The following FMN2 variants were observed in gnomAD, a reference collection of about 807,000 sequenced individuals.
FMN2 encodes formin 2, also known as formin-2.
In FMN2, 51 loss-of-function variants were observed where a neutral mutation model predicts 142.3. The observed-to-expected ratio is 0.36, with a 90% CI of 0.29 to 0.45. The LOEUF is 0.45. Among genes scored for constraint, FMN2 ranks in the 20% least tolerant of loss-of-function variants. The probability of loss-of-function intolerance (pLI) is 1.00; values close to 1 mark genes in which losing one functional copy is unlikely to be tolerated. For synonymous variants in FMN2, 882 were observed against 869.8 expected (o/e 1.01, Z -0.25); for missense variants, 1,936 against 2,122.8 (o/e 0.91, Z 1.73).
intron 7 of FMN2, among the ~76,000 whole-genome samples, chr1:240,292,165 A>G (rs760572966): frequency 1.3e-5 from 2 of 152,152 alleles, no homozygotes; most frequent in Non-Finnish European, 2.9e-5. Context: ...AGGAACTGTC[A>G]CCTTGATATA....
chr1:240,455,653 A>G (rs1362710007), intron 16 of FMN2, among the ~76,000 whole-genome samples: 1 of 152,070 alleles, frequency 6.6e-6, no homozygotes, highest in African/African-American at 2.4e-5. Context: ...ACTCTGGCCT[A>G]GGCAACAGAG....
At chr1:240,144,022 G>T in intron 2 of FMN2, 1 of 1,150,054 alleles carries the variant, frequency 8.7e-7, no homozygotes, top group Non-Finnish European at 1.3e-6. Flanking sequence ...AGACCCCAGA[G>T]TTCACTATGC....
At chr1:240,173,926 G>T (rs1327040956) in intron 2 of FMN2, among the ~76,000 whole-genome samples, 1 of 152,108 alleles carries the variant, frequency 6.6e-6, no homozygotes, top group African/African-American at 2.4e-5. Flanking sequence ...TTGGTTGTTG[G>T]TGCTACCTCT....
At chr1:240,159,921 A>T (rs1030364614) in intron 2 of FMN2, among the ~76,000 whole-genome samples, 11,601 of 137,148 alleles carry the variant, frequency 0.085, 649 homozygotes, top group South Asian at 0.15. Flanking sequence ...ATATATATAT[A>T]TATATATATA....
intron 6 of FMN2, among the ~76,000 whole-genome samples, chr1:240,211,572 AGAAAG>A (rs773480509): frequency 6.6e-6 from 1 of 152,234 alleles, no homozygotes; most frequent in Non-Finnish European, 1.5e-5. Context: ...ATGGATGGAA[AGAAAG>A]GAAAGAGTGG....
intron 13 of FMN2, among the ~76,000 whole-genome samples, chr1:240,349,315 T>G (rs866434772): frequency 6.6e-6 from 1 of 152,234 alleles, no homozygotes. Context: ...AGCTTTCTGA[T>G]CTGATTACAG....
At chr1:240,303,535 T>C (rs1008063651) in intron 8 of FMN2, among the ~76,000 whole-genome samples, 4 of 152,198 alleles carry the variant, frequency 2.6e-5, no homozygotes, top group Non-Finnish European at 4.4e-5. Flanking sequence ...GAGATTCTTA[T>C]TGAGCATTTC....
chr1:240,418,986 T>C (rs1674674888), intron 15 of FMN2, among the ~76,000 whole-genome samples: 1 of 152,116 alleles, frequency 6.6e-6, no homozygotes, highest in South Asian at 2.1e-4. Flanking sequence ...TGGGCGCCTG[T>C]AATCCCAGCT....
intron 2 of FMN2, among the ~76,000 whole-genome samples, chr1:240,137,095 T>A (rs1420565829): frequency 2.1e-5 from 3 of 141,704 alleles, no homozygotes; most frequent in Non-Finnish European, 3.0e-5. Flanking sequence ...AAAAAAAAAA[T>A]TGGGACTCTA....
At chr1:240,278,490 C>T (rs983381034) in intron 7 of FMN2, among the ~76,000 whole-genome samples, 8 of 152,214 alleles carry the variant, frequency 5.3e-5, no homozygotes, top group Non-Finnish European at 1.2e-4. Context: ...TTGAGTTTTC[C>T]TTTGTGGTAG....
intron 8 of FMN2, among the ~76,000 whole-genome samples, chr1:240,313,439 G>T (rs954879927): frequency 1.3e-5 from 2 of 152,178 alleles, no homozygotes; most frequent in African/African-American, 4.8e-5. Context: ...GCTTATGTGT[G>T]ATTGAACCAG....
At chr1:240,377,709 C>T (rs1039896210) in intron 14 of FMN2, among the ~76,000 whole-genome samples, 1 of 152,228 alleles carries the variant, frequency 6.6e-6, no homozygotes, top group East Asian at 1.9e-4. Context: ...CCAGTGATTG[C>T]ACTGGGACAA....
intron 15 of FMN2, among the ~76,000 whole-genome samples, chr1:240,412,908 G>C (rs1674446643): frequency 6.6e-6 from 1 of 151,812 alleles, no homozygotes; most frequent in African/African-American, 2.4e-5. Flanking sequence ...GGATCACGAG[G>C]TCAGGAGATC....
chr1:240,133,829 A>G (rs1571964135), intron 2 of FMN2, among the ~76,000 whole-genome samples: 1 of 152,184 alleles, frequency 6.6e-6, no homozygotes. Context: ...ATAATTGCCT[A>G]TTTACCCTGT....
intron 7 of FMN2, among the ~76,000 whole-genome samples, chr1:240,277,437 CTTTTTTTTT>C (rs11444913): frequency 9.1e-6 from 1 of 109,412 alleles, no homozygotes; most frequent in African/African-American, 2.9e-5. Flanking sequence ...TCTGCCTTTT[CTTTTTTTTT>C]TTTTCAAATA....
At chr1:240,244,242 T>C (rs1479265622) in intron 6 of FMN2, among the ~76,000 whole-genome samples, 2 of 152,204 alleles carry the variant, frequency 1.3e-5, no homozygotes, top group Non-Finnish European at 2.9e-5. Flanking sequence ...ACTAAAACTT[T>C]TGTTGTGGCT....
At chr1:240,159,745 A>G (rs1664180583) in intron 2 of FMN2, among the ~76,000 whole-genome samples, 1 of 151,930 alleles carries the variant, frequency 6.6e-6, no homozygotes, top group Non-Finnish European at 1.5e-5. Context: ...TCTAATTACA[A>G]ATAATGCATG....
chr1:240,426,653 A>G (rs953827758), intron 15 of FMN2, among the ~76,000 whole-genome samples: 1 of 152,118 alleles, frequency 6.6e-6, no homozygotes, highest in African/African-American at 2.4e-5. Flanking sequence ...GCCTCCTCCC[A>G]TATTGTTTTT....
At chr1:240,241,184 CA>C (rs2102867979) in intron 6 of FMN2, among the ~76,000 whole-genome samples, 1 of 150,738 alleles carries the variant, frequency 6.6e-6, no homozygotes, top group South Asian at 2.1e-4. Flanking sequence ...TTTGTTTCTT[CA>C]TCGGTTTGTT....
Sources: allele counts gnomAD v4.1 joint callset (sites outside exome capture counted in the v4.1 genomes callset), GRCh38; gene constraint gnomAD v4.1.1; transcripts MANE v1.5; gene names NCBI Gene and HGNC (gene_info 2026-07-23, HGNC 2026-07-21).